Variants in KIF18B observed in about 807,000 individuals in gnomAD.
The protein encoded by KIF18B is kinesin-like protein KIF18B.
A neutral mutation model predicts 80.9 loss-of-function variants in KIF18B; 49 were observed. That is an observed-to-expected ratio of 0.61 (90% CI 0.48 to 0.77). The LOEUF is 0.77. Among genes scored for constraint, KIF18B ranks in the 30% least tolerant of loss-of-function variants. The pLI is 0.00. For missense variants in KIF18B, 994 were observed against 1,127.7 expected (o/e 0.88, Z 1.70); for synonymous variants, 439 against 463.9 (o/e 0.95, Z 0.69).
intron 1 of KIF18B, among the ~76,000 whole-genome samples, chr17:44,941,749 C>T (rs2052423892): frequency 6.6e-6 from 1 of 152,078 alleles, no homozygotes; most frequent in Non-Finnish European, 1.5e-5. Context: ...CCTGGGTCCA[C>T]ATTTCCCAGC....
Position 44,926,971 on chromosome 17 carries a change from A to C in KIF18B, c.2366+18T>G. The C allele has an allele frequency of 6.3e-7, 1 of 1,594,894 alleles. No individual in the cohort carries two copies. Among genetic ancestry groups the C allele is most frequent in the Non-Finnish European group, 8.6e-7 (1 of 1,169,582 alleles). On this transcript the variant is annotated intron_variant, in intron 14 of 15. Transcript: ENST00000593135. The stretch of plus-strand genomic sequence containing the variant: ...GCGAGCTCCTTCTCCCAGACAGCTG[A>C]CACCTCCCAAACCTCACCTCGCAAC...
intron 1 of KIF18B, among the ~76,000 whole-genome samples, chr17:44,940,544 G>A (rs1379642743): frequency 1.3e-5 from 2 of 152,166 alleles, no homozygotes; most frequent in Non-Finnish European, 2.9e-5. Context: ...ACCAAAGGTA[G>A]GGATGGAATT....
intron 1 of KIF18B, among the ~76,000 whole-genome samples, chr17:44,946,344 T>G (rs889725152): frequency 6.6e-6 from 1 of 152,150 alleles, no homozygotes; most frequent in Non-Finnish European, 1.5e-5. Context: ...GTAGGGAAAT[T>G]CAATAATGAA....
intron 11 of KIF18B, among the ~76,000 whole-genome samples, chr17:44,929,799 C>G (rs974145821): frequency 2.6e-5 from 4 of 152,116 alleles, no homozygotes; most frequent in South Asian, 4.1e-4. Context: ...TATTTAATGA[C>G]TGGGATCCTG....
intron 2 of KIF18B, 81 bp downstream of exon 2, chr17:44,935,951 A>G (rs958228934): frequency 1.3e-5 from 17 of 1,324,840 alleles, no homozygotes; most frequent in Middle Eastern, 2.2e-4. Context: ...AGGCGGGCAC[A>G]TGCCAGAAGA....
intron 1 of KIF18B, among the ~76,000 whole-genome samples, chr17:44,947,140 AAAT>A (rs1403572277): frequency 6.8e-6 from 1 of 148,038 alleles, no homozygotes. Context: ...AAAAAAAAAA[AAAT>A]TTTACTGCGT....
chr17:44,926,524 G>A (rs1249773252), intron 14 of KIF18B, 25 bp from the exon 15 acceptor site: 3 of 1,559,298 alleles, frequency 1.9e-6, no homozygotes, highest in Non-Finnish European at 8.7e-7. Flanking sequence ...GAGGGAAGGT[G>A]GAAGGTTACG....
chr17:44,936,592 CTCTCTCTATATATA>C (rs1472484984), intron 1 of KIF18B, among the ~76,000 whole-genome samples: 27 of 53,100 alleles, frequency 5.1e-4, no homozygotes, highest in African/African-American at 1.9e-3. Context: ...CTCTCTCTCT[CTCTCTCTATATATA>C]TATATATATA....
In KIF18B at chr17:44,947,668, CG is replaced by C. The variant is rs2052537818; in HGVS notation, c.-56del. ...CGCCGCTGGCGTCGCTGCTTGCTCA[CG>C]GGTCCCACAGCCACACCACAGACAG... is the stretch of plus-strand genomic sequence containing the variant. On this transcript the variant is annotated 5_prime_UTR_variant, in exon 1 of 16. Transcript: ENST00000593135. 1 of 152,568 alleles carries C rather than the reference CG, an allele frequency of 6.6e-6. No individual in the cohort carries two copies. Among genetic ancestry groups the C allele is most frequent in the Admixed American group, 6.5e-5 (1 of 15,286 alleles). 9.5% of individuals were successfully genotyped at this position (152,568 alleles called of 1,614,324 possible).
rs143477348 is a variant in KIF18B, at chr17:44,941,728, G to A, written c.-14-5370C>T. 2.5e-3 allele frequency among the ~76,000 whole-genome samples: 383 copies of A among 152,332 alleles called. 8 individuals are homozygous for A. Among genetic ancestry groups the A allele is most frequent in the Admixed American group, 0.02 (312 of 15,290 alleles). On this transcript the variant is annotated intron_variant, in intron 1 of 15. Transcript: ENST00000593135. ...CCACTTTGGCACCCGGGGAAGGGAAGGCAGAGGGTGCCTGGGTCCACATTT... is the reference window on the plus strand; with the variant it reads ...CCACTTTGGCACCCGGGGAAGGGAAAGCAGAGGGTGCCTGGGTCCACATTT...
rs202022226 is a variant in KIF18B, at chr17:44,928,918, G to A, written c.1624C>T (p.Leu542=). ...MITEFETLQQ[L]VQEEKIEPGA... ...GGCTCAATTTTTTCCTCTTGCACCA[G>A]CTGCTGTAGGGTCTCAAACTCTGTG... The change falls in exon 12 of 16, where the codon CTG becomes TTG. Residue 542 remains leucine (L), a synonymous_variant. Transcript: ENST00000593135. The A allele has an allele frequency of 1.2e-6, 2 of 1,614,002 alleles. No homozygotes were observed. The highest frequency in any genetic ancestry group is 2.7e-5 in the African/African-American group (2 of 75,036).
intron 15 of KIF18B, 76 bp from the exon 16 acceptor site, chr17:44,926,262 A>G: frequency 6.3e-7 from 1 of 1,591,256 alleles, no homozygotes; most frequent in Admixed American, 1.8e-5. Flanking sequence ...CCTCCAGCCC[A>G]CCTCCCACCT....
At chr17:44,946,761 C>T (rs2052518587) in intron 1 of KIF18B, among the ~76,000 whole-genome samples, 1 of 152,094 alleles carries the variant, frequency 6.6e-6, no homozygotes, top group Admixed American at 6.6e-5. Context: ...GGAGATGCAT[C>T]CTAGGAGCAG....
Position 44,931,603 on chromosome 17 carries a change from G to A in KIF18B, c.1516C>T (p.Gln506Ter), listed in dbSNP as rs774641218. 2 of 1,613,972 alleles carry A rather than the reference G, an allele frequency of 1.2e-6. No individual in the cohort carries two copies. Among genetic ancestry groups the A allele is most frequent in the Non-Finnish European group, 1.7e-6 (2 of 1,179,874 alleles). Residue 506 changes from glutamine to a stop codon, truncating the protein, a stop_gained and splice_region_variant, in exon 11 of 16, where the codon CAG becomes TAG. Transcript: ENST00000593135. LOFTEE classifies it high-confidence loss of function. ...AGAATACAGCAAGAAGATACCTACT[G>A]CTTAGAACGGTCCCCATCCAGTTCC... Reference protein sequence around the residue: ...ARELDGDRSKQLALKVLCVAQ... With the variant: ...ARELDGDRSK
chr17:44,928,021 C>A lies in KIF18B; in HGVS notation c.2276+5G>T. Reference sequence around the variant, plus strand: ...GGAGGGGTGGAGCGAGACTGGGAGACCCACCTGGGGATGAAGGGCTGGTCC... The same window carrying A: ...GGAGGGGTGGAGCGAGACTGGGAGAACCACCTGGGGATGAAGGGCTGGTCC... On this transcript the variant is annotated splice_donor_5th_base_variant and intron_variant, in intron 13 of 15. Coordinates refer to ENST00000593135, the MANE Select transcript of KIF18B (RefSeq NM_001265577.2). The A allele has an allele frequency of 1.3e-6, 2 of 1,513,428 alleles. No homozygotes were observed. The highest frequency in any genetic ancestry group is 1.8e-6 in the Non-Finnish European group (2 of 1,131,528). 93.7% of individuals were successfully genotyped at this position (1,513,428 alleles called of 1,614,324 possible).
rs1489568029 is a variant in KIF18B, at chr17:44,934,678, C to A, written c.577-61G>T. The A allele has an allele frequency of 2.8e-6, 4 of 1,407,668 alleles. No individual in the cohort carries two copies. The allele number at this position is 1,407,668 out of a possible 1,614,324, so 87.2% of individuals were successfully genotyped here. A position where few individuals can be genotyped will look rare whatever the true frequency, so the allele number is the denominator to read the frequency against. On this transcript the variant is annotated intron_variant, in intron 4 of 15. Coordinates refer to ENST00000593135, the MANE Select transcript of KIF18B (RefSeq NM_001265577.2). The surrounding 1 kb of genome is among the most constrained non-coding windows in gnomAD (Gnocchi z 5.4). ...TCCCGGATCAGGACTTTTCCCCTAA[C>A]AGGAAGGGCTGCTCTTCAGAATCTA...
rs1402659350 is a variant in KIF18B at position 44,932,790 on chromosome 17, C to G, written c.1138-17G>C. On this transcript the variant is annotated splice_polypyrimidine_tract_variant and intron_variant, in intron 8 of 15. Transcript: ENST00000593135. ...AGCGGCTACCTGGAACAGAAGCAGCCCAGCCCCTGAGAGCCCCAGCTAAGC... is the reference window on the plus strand; with the variant it reads ...AGCGGCTACCTGGAACAGAAGCAGCGCAGCCCCTGAGAGCCCCAGCTAAGC... 25 of 1,607,364 alleles carry G rather than the reference C, an allele frequency of 1.6e-5. No homozygotes were observed. The highest frequency in any genetic ancestry group is 2.0e-5 in the Non-Finnish European group (24 of 1,175,512).
At chr17:44,945,906 GAA>G (rs749503310) in intron 1 of KIF18B, among the ~76,000 whole-genome samples, 3 of 92,036 alleles carry the variant, frequency 3.3e-5, no homozygotes, top group Non-Finnish European at 4.2e-5. Flanking sequence ...TTCTGTCTCA[GAA>G]AAAAAAAAAA....
At chr17:44,936,620 ATATATTTTTTTTTTTTTTTTT>A (rs1208728613) in intron 1 of KIF18B, among the ~76,000 whole-genome samples, 2 of 60,158 alleles carry the variant, frequency 3.3e-5, no homozygotes, top group East Asian at 8.7e-4. Context: ...ATATATATAT[ATATATTTTTTTTTTTTTTTTT>A]TTTTTTTTTT....
Sources: allele counts gnomAD v4.1 joint callset (sites outside exome capture counted in the v4.1 genomes callset), GRCh38; gene constraint gnomAD v4.1.1; non-coding constraint Gnocchi (gnomAD v3.1); transcripts MANE v1.5; gene names NCBI Gene and HGNC (gene_info 2026-07-23, HGNC 2026-07-21).